Variants in CACNA1C observed in about 807,000 individuals in gnomAD.
CACNA1C encodes calcium voltage-gated channel subunit alpha1 C.
Under a neutral mutation model 229.0 loss-of-function variants are expected in CACNA1C, and 30 were observed. That is an observed-to-expected ratio of 0.13 (90% CI 0.10 to 0.18). The LOEUF (loss-of-function observed/expected upper bound fraction) is 0.18. Among genes scored for constraint, CACNA1C ranks in the 10% least tolerant of loss-of-function variants. The pLI is 1.00. For synonymous variants in CACNA1C, 1,114 were observed against 1,132.5 expected (o/e 0.98, Z 0.33); for missense variants, 1,658 against 2,845.0 (o/e 0.58, Z 9.49).
At chr12:2,433,318 TG>T (rs1057369122) in intron 3 of CACNA1C, among the ~76,000 whole-genome samples, 7 of 152,146 alleles carry the variant, frequency 4.6e-5, no homozygotes, top group African/African-American at 1.7e-4. Flanking sequence ...GTCCCTCTTG[TG>T]GGGCCGCAGA....
At chr12:2,329,279 G>A (rs1052317344) in intron 3 of CACNA1C, among the ~76,000 whole-genome samples, 1 of 152,200 alleles carries the variant, frequency 6.6e-6, no homozygotes, top group African/African-American at 2.4e-5. Flanking sequence ...TGGAATAACA[G>A]CATCAACAGT....
intron 5 of CACNA1C, among the ~76,000 whole-genome samples, chr12:2,484,927 TCC>T (rs2099692228): frequency 2.6e-5 from 4 of 151,392 alleles, no homozygotes; most frequent in Admixed American, 1.3e-4. Context: ...TTTTTTATCT[TCC>T]CAGCTTGGCT....
At chr12:2,667,954 A>T (rs545706475) in intron 37 of CACNA1C, among the ~76,000 whole-genome samples, 2 of 152,314 alleles carry the variant, frequency 1.3e-5, no homozygotes, top group South Asian at 4.1e-4. Context: ...CCCACACCAG[A>T]GCTCCGTGCC....
chr12:2,362,448 G>A (rs1055446294), intron 3 of CACNA1C, among the ~76,000 whole-genome samples: 3 of 152,004 alleles, frequency 2.0e-5, no homozygotes, highest in African/African-American at 4.8e-5. Flanking sequence ...TTTGTGGCAC[G>A]CGGAAGTCCT....
Position 2,504,782 on chromosome 12 carries a change from C to T in CACNA1C, c.1114-60C>T, listed in dbSNP as rs545003020. ...GGTCAGTGTCTCGGGAGCCGGGGACCGGCACTGGCCGTGCTCGGTTGCTGA... is the reference window on the plus strand; with the variant it reads ...GGTCAGTGTCTCGGGAGCCGGGGACTGGCACTGGCCGTGCTCGGTTGCTGA... On this transcript the variant is annotated intron_variant, in intron 7 of 46. Transcript: ENST00000399655. This position sits in a 1 kb window ranked among gnomAD's most constrained non-coding sequence, Gnocchi z 6.8. 3.1e-5 allele frequency: 32 copies of T among 1,046,578 alleles called. No homozygotes were observed. The East Asian group carries it at 5.5e-4, about 18-fold the overall frequency. 64.8% of individuals were successfully genotyped at this position (1,046,578 alleles called of 1,614,324 possible). A position where few individuals can be genotyped will look rare whatever the true frequency, so the allele number is the denominator to read the frequency against.
Position 2,144,166 on chromosome 12 carries a change from A to G in CACNA1C, c.477+23736A>G, listed in dbSNP as rs967882104. 2.6e-5 allele frequency among the ~76,000 whole-genome samples: 4 copies of G among 151,350 alleles called. No individual in the cohort carries two copies. In the East Asian group the frequency reaches 7.7e-4, roughly 29 times the overall value. On this transcript the variant is annotated intron_variant, in intron 3 of 46. Coordinates refer to ENST00000399655, the MANE Select transcript of CACNA1C (RefSeq NM_000719.7). Reference sequence around the variant, plus strand: ...CATGGAAAAATTAGGAGCTATCTGCAGGATTCTGACTGTAATGTGATTATT... The same window carrying G: ...CATGGAAAAATTAGGAGCTATCTGCGGGATTCTGACTGTAATGTGATTATT...
intron 1 of CACNA1C, among the ~76,000 whole-genome samples, chr12:2,074,218 C>T (rs1036688271): frequency 2.0e-5 from 3 of 152,104 alleles, no homozygotes; most frequent in African/African-American, 7.2e-5. Context: ...CCTTTTTATT[C>T]AGCTAGGTTG....
In CACNA1C at chr12:1,971,668, T is replaced by C. The variant is rs1565782664; in HGVS notation, c.139+467T>C. 6.6e-6 allele frequency among the ~76,000 whole-genome samples: 1 copy of C among 152,220 alleles called. No homozygotes were observed. The highest frequency in any genetic ancestry group is 1.5e-5 in the Non-Finnish European group (1 of 68,030). On this transcript the variant is annotated intron_variant, in intron 1 of 46. Coordinates refer to the CACNA1C transcript ENST00000682462. This position sits in a 1 kb window ranked among gnomAD's most constrained non-coding sequence, Gnocchi z 4.2. ...TTTTAAGAGGCTAGTTAAGGGGCCA[T>C]TAAAGGCAGTGTCATGTCAGCGTCA...
intron 3 of CACNA1C, among the ~76,000 whole-genome samples, chr12:2,440,417 G>A (rs375967742): frequency 3.3e-5 from 5 of 152,204 alleles, no homozygotes; most frequent in Admixed American, 1.3e-4. Context: ...TTAGCACAGT[G>A]TTTTCACGGC....
intron 1 of CACNA1C, among the ~76,000 whole-genome samples, chr12:2,039,633 G>A (rs150796816): frequency 6.6e-6 from 1 of 152,328 alleles, no homozygotes; most frequent in African/African-American, 2.4e-5. Context: ...AATATAACTA[G>A]TGCTTTGATA....
chr12:2,202,871 G>A (rs150757889), intron 3 of CACNA1C, among the ~76,000 whole-genome samples: 44 of 152,332 alleles, frequency 2.9e-4, no homozygotes, highest in African/African-American at 9.9e-4. Flanking sequence ...AGATGAAGTT[G>A]TCTGTCTGAC....
intron 3 of CACNA1C, among the ~76,000 whole-genome samples, chr12:2,217,214 TAG>T (rs1255606222): frequency 2.6e-5 from 4 of 152,154 alleles, no homozygotes; most frequent in Non-Finnish European, 4.4e-5. Flanking sequence ...GACAAATTTA[TAG>T]AGACAGAAGT....
At chr12:2,091,819 GACTTAA>G (rs2071249717) in intron 1 of CACNA1C, among the ~76,000 whole-genome samples, 1 of 152,144 alleles carries the variant, frequency 6.6e-6, no homozygotes, top group Non-Finnish European at 1.5e-5. Context: ...GTGCCTTCTG[GACTTAA>G]ACTTTACCCT....
At chr12:2,437,326 G>T (rs2099144185) in intron 3 of CACNA1C, among the ~76,000 whole-genome samples, 2 of 152,174 alleles carry the variant, frequency 1.3e-5, no homozygotes, top group South Asian at 4.1e-4. Flanking sequence ...CCCCAACAAA[G>T]CCCCAACACA....
In CACNA1C at chr12:2,013,626, A is replaced by G. The variant is rs372703181; in HGVS notation, c.139+42425A>G. 8.3e-4 allele frequency among the ~76,000 whole-genome samples: 127 copies of G among 152,308 alleles called. 1 individual carries two copies. The highest frequency in any genetic ancestry group is 3.0e-3 in the African/African-American group (124 of 41,568). On this transcript the variant is annotated intron_variant, in intron 1 of 46. Transcript: ENST00000682462. ...TCTCTGCTCTGATACTAATGCAGGA[A>G]TCTTGGGTGTTTTCAGGACCTGTTG...
intron 6 of CACNA1C, among the ~76,000 whole-genome samples, chr12:2,491,962 TTCTC>T (rs57394200): frequency 0.049 from 7,172 of 146,958 alleles, 436 homozygotes; most frequent in African/African-American, 0.14. Context: ...TATAAGCAAA[TTCTC>T]TCTCTCTCTC....
At chr12:2,592,116 C>A (rs1340732158) in intron 18 of CACNA1C, among the ~76,000 whole-genome samples, 2 of 152,196 alleles carry the variant, frequency 1.3e-5, no homozygotes, top group Non-Finnish European at 2.9e-5. Context: ...ACTGTTCAAC[C>A]CACTGTAGTG....
intron 18 of CACNA1C, among the ~76,000 whole-genome samples, chr12:2,586,988 T>C (rs781240299): frequency 1.3e-5 from 2 of 152,192 alleles, no homozygotes; most frequent in East Asian, 3.8e-4. Flanking sequence ...ACAAATGCAA[T>C]GGGAGGATCT....
intron 3 of CACNA1C, among the ~76,000 whole-genome samples, chr12:2,315,098 A>G (rs2095620146): frequency 6.6e-6 from 1 of 152,188 alleles, no homozygotes; most frequent in African/African-American, 2.4e-5. Flanking sequence ...CGGACATGAG[A>G]GAAAAGGACA....
Sources: gnomAD v4.1 joint callset for allele counts (sites outside exome capture counted in the v4.1 genomes callset) on GRCh38, gnomAD v4.1.1 for gene constraint, Gnocchi (gnomAD v3.1) non-coding constraint, MANE v1.5 for transcripts, NCBI Gene and HGNC (gene_info 2026-07-23, HGNC 2026-07-21) for gene names.